Variants in PPIL6 observed in about 807,000 individuals in gnomAD.
The protein encoded by PPIL6 is peptidylprolyl isomerase like 6, also known as probable inactive peptidyl-prolyl cis-trans isomerase-like 6.
PPIL6 carries 39 observed loss-of-function variants against 36.8 expected under a neutral mutation model. The ratio of observed to expected loss-of-function variants is 1.06; its 90% CI spans 0.82 to 1.38. PPIL6 has a LOEUF of 1.38. PPIL6 is among the 40% of genes most tolerant of loss of function. PPIL6 has a pLI of 0.00. For missense variants in PPIL6, 368 were observed against 379.1 expected (o/e 0.97, Z 0.24); for synonymous variants, 123 against 134.1 (o/e 0.92, Z 0.57).
At chr6:109,394,605 G>A (rs954330702) in intron 7 of PPIL6, among the ~76,000 whole-genome samples, 3 of 152,140 alleles carry the variant, frequency 2.0e-5, no homozygotes, top group African/African-American at 7.2e-5. Flanking sequence ...TAGGAGCATG[G>A]TCAGTGCCGA....
At chr6:109,430,144 C>T (rs554188648) in intron 3 of PPIL6, among the ~76,000 whole-genome samples, 1 of 152,352 alleles carries the variant, frequency 6.6e-6, no homozygotes, top group East Asian at 1.9e-4. Context: ...AGTGGTTCAA[C>T]AAGGATGAAT....
chr6:109,440,968 C>G, upstream of PPIL6: 2 of 713,526 alleles, frequency 2.8e-6, no homozygotes, highest in East Asian at 2.8e-5. Flanking sequence ...GGGAGTCGGG[C>G]CCGACCTGAG....
chr6:109,410,693 G>A (rs919103004), intron 6 of PPIL6, among the ~76,000 whole-genome samples: 1 of 152,170 alleles, frequency 6.6e-6, no homozygotes, highest in Admixed American at 6.5e-5. Context: ...TGACACAAGA[G>A]TGGAAGCCTC....
At position 109,440,575 on chromosome 6, in the gene PPIL6, G is replaced by A; in HGVS notation, c.16C>T (p.Pro6Ser). Residue 6 changes from proline to serine, a missense_variant, in exon 1 of 8, where the codon CCG (proline) becomes TCG (serine). Coordinates refer to ENST00000521072, the MANE Select transcript of PPIL6 (RefSeq NM_173672.5). MARPQ[P>S]CGPPHARCGS... ...CACCTAGCGTGCGGGGGCCCGCACG[G>A]CTGCGGCCTTGCCATGGCCGCGCCC... The A allele has an allele frequency of 7.1e-7, 1 of 1,408,112 alleles. No homozygotes were observed. The highest frequency in any genetic ancestry group is 9.2e-7 in the Non-Finnish European group (1 of 1,084,316). The allele number at this position is 1,408,112 out of a possible 1,614,324, so 87.2% of individuals were successfully genotyped here.
chr6:109,430,624 A>G (rs1477522410), intron 3 of PPIL6, among the ~76,000 whole-genome samples: 1 of 152,086 alleles, frequency 6.6e-6, no homozygotes, highest in African/African-American at 2.4e-5. Flanking sequence ...ATGACGTTTC[A>G]CCGTGTTGGC....
chr6:109,440,357 G>T, intron 1 of PPIL6, 99 bp downstream of exon 1: 1 of 1,412,872 alleles, frequency 7.1e-7, no homozygotes, highest in Non-Finnish European at 9.6e-7. Context: ...GTGGGGCCTC[G>T]ACCCCCGCCG....
intron 7 of PPIL6, among the ~76,000 whole-genome samples, chr6:109,398,522 G>T (rs1030054604): frequency 1.3e-5 from 2 of 152,160 alleles, no homozygotes; most frequent in African/African-American, 4.8e-5. Flanking sequence ...CAGGGAAGAA[G>T]AAGTAAGCCC....
At chr6:109,414,481 T>C (rs1773156603) in intron 6 of PPIL6, among the ~76,000 whole-genome samples, 3 of 39,490 alleles carry the variant, frequency 7.6e-5, no homozygotes, top group Admixed American at 2.7e-4. Flanking sequence ...TTTTAGCTTT[T>C]TTTTTTTTTT....
intron 6 of PPIL6, among the ~76,000 whole-genome samples, chr6:109,406,709 A>T (rs1427486479): frequency 6.6e-6 from 1 of 152,204 alleles, no homozygotes; most frequent in African/African-American, 2.4e-5. Context: ...TTCCCTATAC[A>T]TACCACTTTT....
At chr6:109,396,538 C>T (rs910096695) in intron 7 of PPIL6, among the ~76,000 whole-genome samples, 1 of 152,182 alleles carries the variant, frequency 6.6e-6, no homozygotes, top group Non-Finnish European at 1.5e-5. Context: ...CTTCACTCTT[C>T]CTAAAACTGA....
chr6:109,420,339 A>G (rs867423513), intron 5 of PPIL6, among the ~76,000 whole-genome samples: 5 of 148,208 alleles, frequency 3.4e-5, no homozygotes, highest in African/African-American at 1.3e-4. Context: ...TCTCAAAAAA[A>G]AAAAAAAAAA....
intron 5 of PPIL6, among the ~76,000 whole-genome samples, chr6:109,420,332 C>CAAAAAAA (rs564751735): frequency 1.5e-3 from 74 of 50,938 alleles, no homozygotes; most frequent in Non-Finnish European, 2.0e-3. Context: ...GACTCCATCT[C>CAAAAAAA]AAAAAAAAAA....
intron 6 of PPIL6, among the ~76,000 whole-genome samples, chr6:109,408,150 A>G (rs1772876395): frequency 6.6e-6 from 1 of 152,234 alleles, no homozygotes; most frequent in African/African-American, 2.4e-5. Context: ...TGTGCCCTTT[A>G]TAATTTAACA....
chr6:109,437,548 C>CTTTTTTTTTTT (rs71551374), intron 1 of PPIL6, among the ~76,000 whole-genome samples: 125 of 97,932 alleles, frequency 1.3e-3, no homozygotes, highest in Non-Finnish European at 1.8e-3. Context: ...TATTTCTTTT[C>CTTTTTTTTTTT]TTTTTTTTTT....
intron 6 of PPIL6, among the ~76,000 whole-genome samples, chr6:109,412,044 G>A (rs1392702799): frequency 6.6e-6 from 1 of 152,198 alleles, no homozygotes; most frequent in African/African-American, 2.4e-5. Context: ...GGGCCAGGGC[G>A]AAAGCACCTT....
chr6:109,417,683 C>T (rs1773334848), intron 6 of PPIL6, among the ~76,000 whole-genome samples: 1 of 152,166 alleles, frequency 6.6e-6, no homozygotes, highest in Non-Finnish European at 1.5e-5. Flanking sequence ...AACTCTCACA[C>T]TTGTATGCCT....
intron 6 of PPIL6, among the ~76,000 whole-genome samples, chr6:109,416,294 C>G (rs962816842): frequency 6.6e-6 from 1 of 151,164 alleles, no homozygotes; most frequent in African/African-American, 2.4e-5. Flanking sequence ...CCTCTGCCTC[C>G]CGAGTTCAAG....
chr6:109,418,295 C>T (rs771329988), intron 6 of PPIL6: 2 of 152,714 alleles, frequency 1.3e-5, no homozygotes, highest in Non-Finnish European at 2.9e-5. Flanking sequence ...GGTTAGACTG[C>T]TCCTGCCTCT....
chr6:109,417,383 ATT>A (rs35207179), intron 6 of PPIL6, among the ~76,000 whole-genome samples: 75,922 of 144,214 alleles, frequency 0.53, 20,498 homozygotes, highest in African/African-American at 0.71. Flanking sequence ...CCCTGTCTCT[ATT>A]TTTTTTTTTT....
Sources: gnomAD v4.1 joint callset for allele counts (sites outside exome capture counted in the v4.1 genomes callset) on GRCh38, gnomAD v4.1.1 for gene constraint, MANE v1.5 for transcripts, NCBI Gene and HGNC (gene_info 2026-07-23, HGNC 2026-07-21) for gene names.